The following TENM4 variants were observed in gnomAD, a reference collection of about 807,000 sequenced individuals.
TENM4 encodes teneurin transmembrane protein 4, also known as teneurin-4.
In TENM4, 82 loss-of-function variants were observed where a neutral mutation model predicts 243.3. The observed-to-expected ratio is 0.34, with a 90% CI of 0.28 to 0.40. The LOEUF (loss-of-function observed/expected upper bound fraction) is 0.40. Ranked by LOEUF, TENM4 falls within the 10% of genes least tolerant of loss-of-function variation. The probability of loss-of-function intolerance (pLI) is 1.00; values close to 1 mark genes in which losing one functional copy is unlikely to be tolerated. For missense variants in TENM4, 3,138 were observed against 3,673.3 expected (o/e 0.85, Z 3.77); for synonymous variants, 1,412 against 1,456.3 (o/e 0.97, Z 0.69).
chr11:78,783,830 A>G (rs1379682645), intron 16 of TENM4, among the ~76,000 whole-genome samples: 1 of 152,222 alleles, frequency 6.6e-6, no homozygotes, highest in Non-Finnish European at 1.5e-5. Context: ...CCAAAAGAAG[A>G]TATTTAATTC....
At chr11:79,369,123 G>A (rs772843748) in intron 1 of TENM4, among the ~76,000 whole-genome samples, 8 of 152,072 alleles carry the variant, frequency 5.3e-5, no homozygotes, top group Non-Finnish European at 8.8e-5. Flanking sequence ...CCACATCCTA[G>A]CTGAGAATGA....
intron 1 of TENM4, among the ~76,000 whole-genome samples, chr11:79,352,634 C>A (rs72935018): frequency 1.3e-5 from 2 of 152,114 alleles, no homozygotes; most frequent in African/African-American, 4.8e-5. Flanking sequence ...CCTGGGCAGG[C>A]GAGAGAGGCA....
chr11:79,083,187 T>C (rs1591268864), intron 4 of TENM4, among the ~76,000 whole-genome samples: 1 of 152,056 alleles, frequency 6.6e-6, no homozygotes, highest in South Asian at 2.1e-4. Flanking sequence ...GGGGTGGAGG[T>C]GGGGCAGGCA....
intron 6 of TENM4, among the ~76,000 whole-genome samples, chr11:78,986,009 T>TA (rs1857910137): frequency 1.3e-5 from 2 of 152,350 alleles, no homozygotes; most frequent in South Asian, 4.1e-4. Flanking sequence ...CTCCAAGGTG[T>TA]ATCAAGAGAT....
intron 6 of TENM4, chr11:78,903,784 C>T (rs1238546485): frequency 1.4e-6 from 1 of 704,954 alleles, no homozygotes; most frequent in East Asian, 2.7e-5. Context: ...AAACAATAAA[C>T]AACATAAAAA....
intron 4 of TENM4, among the ~76,000 whole-genome samples, chr11:79,122,696 C>A (rs1194625719): frequency 6.6e-6 from 1 of 152,144 alleles, no homozygotes; most frequent in Non-Finnish European, 1.5e-5. Context: ...CCACTGCCTC[C>A]ATGATCAGAT....
intron 2 of TENM4, among the ~76,000 whole-genome samples, chr11:79,228,598 T>A (rs1167507597): frequency 6.6e-6 from 1 of 152,120 alleles, no homozygotes; most frequent in East Asian, 1.9e-4. Context: ...TGAACGCATT[T>A]GTCAGGGGAG....
At chr11:79,357,157 G>T (rs113628646) in intron 1 of TENM4, among the ~76,000 whole-genome samples, 1 of 152,192 alleles carries the variant, frequency 6.6e-6, no homozygotes, top group Non-Finnish European at 1.5e-5. Flanking sequence ...TGTGGGCAGC[G>T]TCCTTTTAAA....
chr11:79,339,583 T>C (rs1038806089), intron 1 of TENM4, among the ~76,000 whole-genome samples: 4 of 69,232 alleles, frequency 5.8e-5, no homozygotes, highest in Admixed American at 4.3e-4. Context: ...ATGTGCCTTA[T>C]TATGCCCATT....
At chr11:78,770,545 C>T (rs1038685137) in intron 18 of TENM4, among the ~76,000 whole-genome samples, 4 of 152,192 alleles carry the variant, frequency 2.6e-5, no homozygotes, top group African/African-American at 7.2e-5. Context: ...GTGAGGGTAA[C>T]CTCCAGAATC....
intron 25 of TENM4, among the ~76,000 whole-genome samples, chr11:78,720,014 C>T (rs1300647098): frequency 6.6e-6 from 1 of 152,194 alleles, no homozygotes; most frequent in Non-Finnish European, 1.5e-5. Flanking sequence ...CTCAGGACTT[C>T]CTATCATGAC....
intron 1 of TENM4, among the ~76,000 whole-genome samples, chr11:79,319,314 TA>T (rs1463323481): frequency 1.3e-5 from 2 of 151,786 alleles, no homozygotes; most frequent in Non-Finnish European, 1.5e-5. Context: ...TTGTAAAGTA[TA>T]AAAAAAAGAA....
chr11:78,897,955 GCAGCCTTCTGCTCTGA>G (rs1218550377), intron 7 of TENM4, among the ~76,000 whole-genome samples: 1 of 152,178 alleles, frequency 6.6e-6, no homozygotes, highest in Non-Finnish European at 1.5e-5. Context: ...CCAAGGTCTG[GCAGCCTTCTGCTCTGA>G]CTTCCCCTCA....
At chr11:79,404,535 G>T (rs1204576384) in intron 1 of TENM4, among the ~76,000 whole-genome samples, 3 of 152,142 alleles carry the variant, frequency 2.0e-5, no homozygotes, top group Non-Finnish European at 2.9e-5. Flanking sequence ...TAGAGGCGAT[G>T]GTTGCACAAC....
intron 2 of TENM4, among the ~76,000 whole-genome samples, chr11:79,231,637 A>G (rs1322507198): frequency 6.6e-6 from 1 of 152,234 alleles, no homozygotes; most frequent in Admixed American, 6.5e-5. Flanking sequence ...TCAAATACAG[A>G]TCATGATACC....
intron 6 of TENM4, among the ~76,000 whole-genome samples, chr11:79,062,695 G>C (rs2136977800): frequency 6.6e-6 from 1 of 152,254 alleles, no homozygotes; most frequent in African/African-American, 2.4e-5. Flanking sequence ...TTATAGATGA[G>C]GAAACTGAGG....
chr11:78,691,950 G>A (rs1171632306), intron 28 of TENM4, among the ~76,000 whole-genome samples: 1 of 152,148 alleles, frequency 6.6e-6, no homozygotes, highest in East Asian at 1.9e-4. Flanking sequence ...ACTGTGGATG[G>A]GAAGAAGTAG....
chr11:78,805,277 T>TGGCCCCCCCC lies in TENM4; in HGVS notation c.2179+14_2179+15insGGGGGGGGCC. Reference sequence around the variant, plus strand: ...CCCCTCCCTCTACCCATGCTTCTTCTCCCCCTGCATTTACCGATAGAACAG... The same window carrying TGGCCCCCCCC: ...CCCCTCCCTCTACCCATGCTTCTTCTGGCCCCCCCCCCCCCTGCATTTACCGATAGAACAG... On this transcript the variant is annotated intron_variant, in intron 15 of 33. Transcript: ENST00000278550. The TGGCCCCCCCC allele has an allele frequency of 1.4e-6, 2 of 1,402,548 alleles. No individual in the cohort carries two copies. Among genetic ancestry groups the TGGCCCCCCCC allele is most frequent in the Non-Finnish European group, 1.9e-6 (2 of 1,033,116 alleles). The allele number at this position is 1,402,548 out of a possible 1,614,324, so 86.9% of individuals were successfully genotyped here.
intron 3 of TENM4, among the ~76,000 whole-genome samples, chr11:79,207,444 G>T (rs1301930208): frequency 6.6e-6 from 1 of 152,158 alleles, no homozygotes; most frequent in Admixed American, 6.5e-5. Flanking sequence ...TACACATAAA[G>T]TTCCAGAAGC....
Sources: allele counts gnomAD v4.1 joint callset (sites outside exome capture counted in the v4.1 genomes callset), GRCh38; gene constraint gnomAD v4.1.1; transcripts MANE v1.5; gene names NCBI Gene and HGNC (gene_info 2026-07-23, HGNC 2026-07-21).